The following ZNF596 variants were observed in gnomAD, a reference collection of about 807,000 sequenced individuals.
The protein encoded by ZNF596 is zinc finger protein 596.
ZNF596 carries 45 observed loss-of-function variants against 48.3 expected under a neutral mutation model. That is an observed-to-expected ratio of 0.93 (90% CI 0.73 to 1.19). The LOEUF is 1.19. ZNF596 is among the 50% of genes most tolerant of loss of function. The pLI is 0.00. For missense variants in ZNF596, 848 were observed against 599.7 expected (o/e 1.41, Z -4.32); for synonymous variants, 270 against 202.0 (o/e 1.34, Z -2.85).
Position 246,542 on chromosome 8 carries a change from C to G in ZNF596, c.*180C>G, listed in dbSNP as rs529511898. ...ATGTTTATGGCACAAACTTCAGACT[C>G]TAGGCTGACCATATACAACGTGAGA... On this transcript the variant is annotated 3_prime_UTR_variant, in exon 6 of 6. Transcript: ENST00000398612. 1.5e-6 allele frequency: 1 copy of G among 679,954 alleles called. No individual in the cohort carries two copies. Among genetic ancestry groups the G allele is most frequent in the East Asian group, 2.9e-5 (1 of 34,516 alleles). The allele number at this position is 679,954 out of a possible 1,614,324, so 42.1% of individuals were successfully genotyped here.
chr8:241,972 G>C (rs998570735), intron 2 of ZNF596, among the ~76,000 whole-genome samples: 4 of 152,148 alleles, frequency 2.6e-5, no homozygotes, highest in African/African-American at 9.7e-5. Flanking sequence ...GATATTACTA[G>C]CATGAGAACA....
At position 245,694 on chromosome 8, in the gene ZNF596, C is replaced by G; in HGVS notation, c.847C>G (p.Leu283Val). 1 of 1,614,044 alleles carries G rather than the reference C, an allele frequency of 6.2e-7. No homozygotes were observed. The change falls in exon 6 of 6, where the codon CTA (leucine) becomes GTA (valine). Residue 283 changes from leucine (L) to valine (V), a missense_variant. By Grantham distance (32) the Leu-to-Val change is conservative. Coordinates refer to ENST00000398612, the MANE Select transcript of ZNF596 (RefSeq NM_001042416.3). ...HTREKAQICH[L>V]CGKAFTHCSD... is the part of the protein sequence containing the mutation. ...TAGAGAAAAAGCACAGATATGCCAT[C>G]TATGTGGGAAAGCCTTCACTCATTG... is the stretch of plus-strand genomic sequence containing the variant.
chr8:243,777 T>G lies in ZNF596; in HGVS notation c.195T>G (p.Leu65=). Residue 65 remains leucine (L), a synonymous_variant, in exon 4 of 6, where the codon CTT becomes CTG. Coordinates refer to ENST00000398612, the MANE Select transcript of ZNF596 (RefSeq NM_001042416.3). ...VLSQLEQVEK[L]STQRISLLQG... is the part of the protein sequence containing the mutation. ...CCCAATTGGAGCAAGTAGAGAAACT[T>G]TCAACACAAAGAATAAGCTTACTGC... 6.2e-7 allele frequency: 1 copy of G among 1,613,730 alleles called. No individual in the cohort carries two copies. Among genetic ancestry groups the G allele is most frequent in the Non-Finnish European group, 8.5e-7 (1 of 1,179,798 alleles).
At position 232,505 on chromosome 8, in the gene ZNF596, G is replaced by A; in HGVS notation, c.-262G>A. The A allele has an allele frequency of 3.3e-6, 1 of 306,132 alleles. No individual in the cohort carries two copies. Among genetic ancestry groups the A allele is most frequent in the Non-Finnish European group, 6.7e-6 (1 of 148,938 alleles). 19.0% of individuals were successfully genotyped at this position (306,132 alleles called of 1,614,324 possible). A position where few individuals can be genotyped will look rare whatever the true frequency, so the allele number is the denominator to read the frequency against. On this transcript the variant is annotated 5_prime_UTR_variant, in exon 1 of 6. Coordinates refer to ENST00000398612, the MANE Select transcript of ZNF596 (RefSeq NM_001042416.3). ...ACACCCGGGGTCTGCTGGTCTCCGC[G>A]GATGTCACAGGCTCGGCAACCGCCC...
Position 247,297 on chromosome 8 carries a change from T to A in ZNF596, c.*935T>A, listed in dbSNP as rs1797129372. The A allele has an allele frequency of 6.6e-6, 1 of 152,206 alleles. No individual in the cohort carries two copies. Among genetic ancestry groups the A allele is most frequent in the Admixed American group, 6.5e-5 (1 of 15,286 alleles). 9.4% of individuals were successfully genotyped at this position (152,206 alleles called of 1,614,324 possible). On this transcript the variant is annotated 3_prime_UTR_variant, in exon 6 of 6. Transcript: ENST00000398612. ...TAACCTGGGAATATTGAATGCAGAA[T>A]TATGTAAGAAGTAATAAGATTAAAT...
At chr8:237,134 A>G (rs1796649035) in intron 1 of ZNF596, 1 of 152,156 alleles carries the variant, frequency 6.6e-6, no homozygotes, top group African/African-American at 2.4e-5. Flanking sequence ...ATGTTGGAAT[A>G]TAATTATTCC....
At chr8:238,887 C>G (rs1563064407) in intron 1 of ZNF596, among the ~76,000 whole-genome samples, 1 of 125,086 alleles carries the variant, frequency 8.0e-6, no homozygotes, top group Non-Finnish European at 1.7e-5. Flanking sequence ...GGTCAATGAG[C>G]TATGAGACAA....
At chr8:240,952 AC>A in intron 2 of ZNF596, 45 bp downstream of exon 2, 1 of 1,612,790 alleles carries the variant, frequency 6.2e-7, no homozygotes. Context: ...TACCCCTGTT[AC>A]CAGCCTAAGG....
intron 2 of ZNF596, among the ~76,000 whole-genome samples, chr8:241,456 A>G (rs564137161): frequency 1.3e-5 from 2 of 152,332 alleles, no homozygotes; most frequent in Admixed American, 1.3e-4. Flanking sequence ...GTCTTGAGAG[A>G]ATAAATGTGA....
At chr8:244,591 A>G in intron 4 of ZNF596, 28 bp from the exon 5 acceptor site, 1 of 1,542,650 alleles carries the variant, frequency 6.5e-7, no homozygotes, top group Non-Finnish European at 8.9e-7. Context: ...ATGCCTATAT[A>G]GCATCTTTTT....
chr8:237,935 A>G (rs1796685267), intron 1 of ZNF596, among the ~76,000 whole-genome samples: 1 of 152,166 alleles, frequency 6.6e-6, no homozygotes, highest in African/African-American at 2.4e-5. Flanking sequence ...CTCATTTGGC[A>G]TAACTCAGCT....
chr8:240,204 G>T (rs1347693137), intron 1 of ZNF596: 1 of 152,170 alleles, frequency 6.6e-6, no homozygotes, highest in African/African-American at 2.4e-5. Flanking sequence ...TTCTTGTAAG[G>T]TATGTCACTT....
rs772791560 is a variant in ZNF596, at chr8:245,843, G to T, written c.996G>T (p.Glu332Asp). 6.2e-7 allele frequency: 1 copy of T among 1,613,980 alleles called. No individual in the cohort carries two copies. The highest frequency in any genetic ancestry group is 8.5e-7 in the Non-Finnish European group (1 of 1,179,978). ...AACATGAAAGAACTCACAATGGAGAGAAACCATATGAATGTCATCTATGTG... is the reference window on the plus strand; with the variant it reads ...AACATGAAAGAACTCACAATGGAGATAAACCATATGAATGTCATCTATGTG... ...LRQHERTHNG[E>D]KPYECHLCGK... The change falls in exon 6 of 6, where the codon GAG becomes GAT. Residue 332 changes from glutamate (E) to aspartate (D), a missense_variant. Coordinates refer to ENST00000398612, the MANE Select transcript of ZNF596 (RefSeq NM_001042416.3).
intron 4 of ZNF596, 30 bp downstream of exon 4, chr8:243,835 G>C: frequency 1.3e-6 from 2 of 1,591,362 alleles, no homozygotes; most frequent in Admixed American, 1.7e-5. Context: ...GCTTCAATAG[G>C]AGGAGGAGAA....
chr8:239,706 G>C (rs1056255853), intron 1 of ZNF596, among the ~76,000 whole-genome samples: 1 of 152,164 alleles, frequency 6.6e-6, no homozygotes, highest in Non-Finnish European at 1.5e-5. Context: ...TCAGCATATG[G>C]ATGTGTTCTT....
chr8:246,397 C>T lies in ZNF596; in HGVS notation c.*35C>T, dbSNP rs1316661728. ...GCTGTAGCGTTAACACTAAATACAC[C>T]AAGGACAAACATACTACAGGAATAT... On this transcript the variant is annotated 3_prime_UTR_variant, in exon 6 of 6. Transcript: ENST00000398612. 4 of 1,532,990 alleles carry T rather than the reference C, an allele frequency of 2.6e-6. No individual in the cohort carries two copies. In the South Asian group the frequency reaches 5.3e-5, roughly 20 times the overall value. The allele number at this position is 1,532,990 out of a possible 1,614,324, so 95.0% of individuals were successfully genotyped here.
intron 1 of ZNF596, chr8:233,236 G>T (rs1206371164): frequency 1.2e-5 from 5 of 416,252 alleles, no homozygotes; most frequent in East Asian, 7.2e-5. Context: ...AATCAGCAGA[G>T]ATATGGAGGA....
intron 4 of ZNF596, 35 bp downstream of exon 4, chr8:243,840 G>C: frequency 6.4e-7 from 1 of 1,571,304 alleles, no homozygotes; most frequent in Non-Finnish European, 8.7e-7. Context: ...AATAGGAGGA[G>C]GAGAAACATG....
chr8:232,424 C>A (rs530803719), upstream of ZNF596: 128 of 241,754 alleles, frequency 5.3e-4, 1 homozygote, highest in South Asian at 3.7e-3. Flanking sequence ...GGGTGAGTGC[C>A]CTCCGCTTTT....
Sources: gnomAD v4.1 joint callset for allele counts (sites outside exome capture counted in the v4.1 genomes callset) on GRCh38, gnomAD v4.1.1 for gene constraint, MANE v1.5 for transcripts, NCBI Gene and HGNC (gene_info 2026-07-23, HGNC 2026-07-21) for gene names.